TRERF1: variants seen among roughly 807,000 people sequenced by gnomAD.
The protein encoded by TRERF1 is transcriptional regulating factor 1, also known as transcriptional-regulating factor 1.
In TRERF1, 27 loss-of-function variants were observed where a neutral mutation model predicts 122.9. The observed-to-expected ratio is 0.22, with a 90% CI of 0.16 to 0.30. The LOEUF is 0.30. Ranked by LOEUF, TRERF1 falls within the 10% of genes least tolerant of loss-of-function variation. The pLI is 1.00. For synonymous variants in TRERF1, 636 were observed against 641.7 expected (o/e 0.99, Z 0.13); for missense variants, 1,248 against 1,560.3 (o/e 0.80, Z 3.37).
At chr6:42,304,859 G>C (rs11970625) in intron 3 of TRERF1, among the ~76,000 whole-genome samples, 14,728 of 152,252 alleles carry the variant, frequency 0.097, 756 homozygotes, top group African/African-American at 0.13. Flanking sequence ...GGTGCTTACA[G>C]ATAGCTCCTC....
chr6:42,416,436 T>TC (rs1781848227), intron 2 of TRERF1, among the ~76,000 whole-genome samples: 1 of 152,234 alleles, frequency 6.6e-6, no homozygotes, highest in Non-Finnish European at 1.5e-5. Flanking sequence ...GTGTAATTTT[T>TC]CATAAACCTT....
At chr6:42,313,065 T>C (rs1234988459) in intron 3 of TRERF1, among the ~76,000 whole-genome samples, 1 of 152,060 alleles carries the variant, frequency 6.6e-6, no homozygotes, top group Non-Finnish European at 1.5e-5. Context: ...GAAAAGATGG[T>C]GAGAGAAAGG....
intron 3 of TRERF1, among the ~76,000 whole-genome samples, chr6:42,320,234 C>T (rs1013288188): frequency 7.2e-5 from 11 of 152,008 alleles, no homozygotes; most frequent in Non-Finnish European, 1.2e-4. Context: ...TATGTCTATT[C>T]AATCAAACTT....
In TRERF1 at chr6:42,299,094, A is replaced by ATCTATCTATCTATCTG. The variant is rs1323308910; in HGVS notation, c.-259+1543_-259+1544insCAGATAGATAGATAGA. ...TGTCTCTAAAAATATCTATCTATCT[A>ATCTATCTATCTATCTG]TCTGTCTGTCTGTCTGTCTGTCTCT... On this transcript the variant is annotated intron_variant, in intron 4 of 17. Coordinates refer to ENST00000372922, the Ensembl canonical transcript of TRERF1. Among the ~76,000 whole-genome samples, 851 of 143,094 alleles carry ATCTATCTATCTATCTG rather than the reference A, an allele frequency of 5.9e-3. 4 individuals carry two copies. Among genetic ancestry groups the ATCTATCTATCTATCTG allele is most frequent in the Admixed American group, 0.013 (179 of 14,104 alleles). The allele number at this position is 143,094 out of a possible 152,430, so 93.9% of individuals were successfully genotyped here.
chr6:42,247,095 A>G (rs1436378992), intron 13 of TRERF1, among the ~76,000 whole-genome samples: 1 of 152,202 alleles, frequency 6.6e-6, no homozygotes, highest in Non-Finnish European at 1.5e-5. Flanking sequence ...CCAATGGGGC[A>G]CAAAGGAGAA....
At chr6:42,295,024 G>A (rs914598622) in intron 4 of TRERF1, among the ~76,000 whole-genome samples, 4 of 151,954 alleles carry the variant, frequency 2.6e-5, no homozygotes, top group African/African-American at 9.7e-5. Context: ...GGAACAAGGG[G>A]TGGGGTGGGG....
chr6:42,288,991 G>A, intron 4 of TRERF1, among the ~76,000 whole-genome samples: 1 of 136,214 alleles, frequency 7.3e-6, no homozygotes, highest in Non-Finnish European at 1.6e-5. Context: ...GTGTGTGTGT[G>A]TGTCAAAGCA....
chr6:42,436,800 C>CAAAAAAAAAA (rs775861205), intron 2 of TRERF1, among the ~76,000 whole-genome samples: 7 of 77,538 alleles, frequency 9.0e-5, no homozygotes, highest in African/African-American at 4.4e-4. Context: ...TCTCCCTCTA[C>CAAAAAAAAAA]AAAAAAAAAA....
At chr6:42,307,811 A>G (rs78282335) in intron 3 of TRERF1, among the ~76,000 whole-genome samples, 6,797 of 152,314 alleles carry the variant, frequency 0.045, 226 homozygotes, top group African/African-American at 0.096. Flanking sequence ...GAACCTGGGA[A>G]CAGTAGACTC....
chr6:42,248,832 G>C (rs1422082089), intron 13 of TRERF1, among the ~76,000 whole-genome samples: 1 of 152,174 alleles, frequency 6.6e-6, no homozygotes, highest in East Asian at 1.9e-4. Flanking sequence ...TGTGAGCACA[G>C]GGGGTTGGTG....
chr6:42,353,690 G>T (rs928602455), intron 3 of TRERF1, among the ~76,000 whole-genome samples: 1 of 152,130 alleles, frequency 6.6e-6, no homozygotes, highest in Non-Finnish European at 1.5e-5. Context: ...GTGTATTCAT[G>T]TACTGAAACA....
chr6:42,363,212 C>T (rs1487553108), intron 2 of TRERF1, 133 bp from the exon 3 acceptor site: 2 of 152,176 alleles, frequency 1.3e-5, no homozygotes, highest in Non-Finnish European at 2.9e-5. Context: ...ATGGGCCCAC[C>T]CAGGACGAGG....
Position 42,254,840 on chromosome 6 carries a change from T to C in TRERF1, c.2656+11A>G, listed in dbSNP as rs372333005. 6.4e-4 allele frequency: 1,034 copies of C among 1,614,022 alleles called. 2 individuals carry two copies. Among genetic ancestry groups the C allele is most frequent in the Non-Finnish European group, 8.2e-4 (964 of 1,179,958 alleles). ...AGGAGGCAACAGGACACAGGGCTCC[T>C]GGCAACCTACCGGCATAGTGGTAAT... On this transcript the variant is annotated intron_variant, in intron 13 of 17. Coordinates refer to ENST00000372922, the Ensembl canonical transcript of TRERF1.
Position 42,232,592 on chromosome 6 carries a change from TG to T in TRERF1, c.3278+88del. ...TGAGGTCTAAGTTCTTTTTTCTGAT[TG>T]AAGAAACCTCAGGCCATCCTGGCCC... On this transcript the variant is annotated intron_variant, in intron 17 of 17. Coordinates refer to ENST00000372922, the Ensembl canonical transcript of TRERF1. The surrounding 1 kb of genome is among the most constrained non-coding windows in gnomAD (Gnocchi z 4.5). 1 of 1,440,488 alleles carries T rather than the reference TG, an allele frequency of 6.9e-7. No individual in the cohort carries two copies. The highest frequency in any genetic ancestry group is 9.2e-7 in the Non-Finnish European group (1 of 1,088,092). 89.2% of individuals were successfully genotyped at this position (1,440,488 alleles called of 1,614,324 possible).
chr6:42,300,000 G>C (rs985188953), intron 4 of TRERF1, among the ~76,000 whole-genome samples: 1 of 152,226 alleles, frequency 6.6e-6, no homozygotes, highest in Non-Finnish European at 1.5e-5. Flanking sequence ...GAGAGGACAA[G>C]GTGACTGGCA....
chr6:42,439,514 G>T (rs146724671), intron 2 of TRERF1, among the ~76,000 whole-genome samples: 3 of 152,280 alleles, frequency 2.0e-5, no homozygotes, highest in African/African-American at 7.2e-5. Context: ...AACCTGGGAG[G>T]CGGAGGTTGC....
chr6:42,446,900 G>C (rs1296902706), intron 2 of TRERF1, among the ~76,000 whole-genome samples: 2 of 152,190 alleles, frequency 1.3e-5, no homozygotes, highest in Non-Finnish European at 2.9e-5. Context: ...AGCTACCTGG[G>C]AGGCTGGGGC....
chr6:42,277,969 GAAGAA>G (rs1313087639), intron 4 of TRERF1, among the ~76,000 whole-genome samples: 3 of 144,526 alleles, frequency 2.1e-5, no homozygotes, highest in Non-Finnish European at 4.6e-5. Flanking sequence ...AGAAGAAGAA[GAAGAA>G]GACTGCAATA....
chr6:42,264,368 C>T (rs1778770207), intron 7 of TRERF1, among the ~76,000 whole-genome samples: 1 of 152,240 alleles, frequency 6.6e-6, no homozygotes, highest in African/African-American at 2.4e-5. Context: ...CCCCAGTGGG[C>T]CTGGTCTTGG....
Sources: gnomAD v4.1 joint callset for allele counts (sites outside exome capture counted in the v4.1 genomes callset) on GRCh38, gnomAD v4.1.1 for gene constraint, Gnocchi (gnomAD v3.1) non-coding constraint, MANE v1.5 for transcripts, NCBI Gene and HGNC (gene_info 2026-07-23, HGNC 2026-07-21) for gene names.